The following ABTB3 variants were observed in gnomAD, a reference collection of about 807,000 sequenced individuals.
ABTB3 encodes ankyrin repeat- and BTB/POZ domain-containing protein 3.
At chr12:107,642,972 T>G in the ABTB3 span, among the ~76,000 whole-genome samples, 1 of 152,148 alleles carries the variant, frequency 6.6e-6, no homozygotes, top group Non-Finnish European at 1.5e-5. Flanking sequence ...CTAATAGAAA[T>G]TCACTCAACT....
the ABTB3 span, among the ~76,000 whole-genome samples, chr12:107,484,994 A>T: frequency 1.3e-5 from 2 of 152,170 alleles, no homozygotes; most frequent in Non-Finnish European, 2.9e-5. Flanking sequence ...GATGTCCAGT[A>T]GATGTCCACT....
chr12:107,453,093 G>A, the ABTB3 span, among the ~76,000 whole-genome samples: 1 of 152,288 alleles, frequency 6.6e-6, no homozygotes, highest in South Asian at 2.1e-4. Flanking sequence ...GGAATCGCAT[G>A]TGTAAGGACT....
the ABTB3 span, among the ~76,000 whole-genome samples, chr12:107,324,807 A>G: frequency 0.75 from 114,467 of 152,170 alleles, 43,726 homozygotes; most frequent in African/African-American, 0.88. Flanking sequence ...AGGGCAGACC[A>G]GAAGAGGCAG....
chr12:107,361,693 G>A, the ABTB3 span, among the ~76,000 whole-genome samples: 2 of 152,272 alleles, frequency 1.3e-5, no homozygotes, highest in African/African-American at 2.4e-5. Context: ...TATAGCTGAT[G>A]TAGACTGGGG....
At chr12:107,637,836 T>TGTGGG in the ABTB3 span, among the ~76,000 whole-genome samples, 1 of 139,478 alleles carries the variant, frequency 7.2e-6, no homozygotes, top group African/African-American at 2.9e-5. Context: ...GTGTGTGTGG[T>TGTGGG]ATGGTGTCCT....
At chr12:107,399,180 A>G in the ABTB3 span, among the ~76,000 whole-genome samples, 4 of 152,144 alleles carry the variant, frequency 2.6e-5, no homozygotes, top group African/African-American at 9.7e-5. Flanking sequence ...GCATTTGAAA[A>G]CTGCTTTTCT....
chr12:107,325,743 A>C, the ABTB3 span, among the ~76,000 whole-genome samples: 2 of 152,194 alleles, frequency 1.3e-5, no homozygotes, highest in East Asian at 3.8e-4. Context: ...AGAGGTAAAT[A>C]CAAAATAGTA....
the ABTB3 span, among the ~76,000 whole-genome samples, chr12:107,385,618 C>T: frequency 2.2e-4 from 34 of 152,284 alleles, no homozygotes; most frequent in Non-Finnish European, 8.8e-5. Context: ...CAGCAGTGCT[C>T]TGCCTGGCAG....
At chr12:107,319,927 CG>C in the ABTB3 span, 1 of 1,493,028 alleles carries the variant, frequency 6.7e-7, no homozygotes, top group Non-Finnish European at 9.0e-7. Flanking sequence ...CGGCAGCCGC[CG>C]CCAACCACCA....
At chr12:107,417,627 A>C in the ABTB3 span, among the ~76,000 whole-genome samples, 1 of 152,208 alleles carries the variant, frequency 6.6e-6, no homozygotes, top group African/African-American at 2.4e-5. Flanking sequence ...TGCCCGTACT[A>C]TGTATCCCGT....
chr12:107,364,825 T>C, the ABTB3 span, among the ~76,000 whole-genome samples: 2 of 152,198 alleles, frequency 1.3e-5, no homozygotes, highest in Non-Finnish European at 2.9e-5. Flanking sequence ...CTATTGTTGC[T>C]GAAGGCTGGC....
the ABTB3 span, among the ~76,000 whole-genome samples, chr12:107,627,552 C>T: frequency 6.6e-6 from 1 of 152,224 alleles, no homozygotes; most frequent in Non-Finnish European, 1.5e-5. Context: ...TGTCACTCTG[C>T]TCCGTTTCAG....
the ABTB3 span, among the ~76,000 whole-genome samples, chr12:107,549,871 GC>G: frequency 1.3e-5 from 2 of 152,252 alleles, no homozygotes; most frequent in Admixed American, 6.5e-5. Context: ...TTTTGAAGAG[GC>G]CTTGGAAGCT....
At chr12:107,459,184 G>A in the ABTB3 span, among the ~76,000 whole-genome samples, 5,320 of 152,274 alleles carry the variant, frequency 0.035, 166 homozygotes, top group East Asian at 0.17. Context: ...TTTTACAGAT[G>A]AGGAAACTGA....
At chr12:107,575,209 A>G in the ABTB3 span, among the ~76,000 whole-genome samples, 1 of 152,238 alleles carries the variant, frequency 6.6e-6, no homozygotes, top group Non-Finnish European at 1.5e-5. Context: ...AGGGAAGGCT[A>G]TAGCATCTGC....
the ABTB3 span, among the ~76,000 whole-genome samples, chr12:107,508,320 G>A: frequency 6.6e-6 from 1 of 151,772 alleles, no homozygotes; most frequent in East Asian, 1.9e-4. Context: ...GATTTTGATT[G>A]CAAGTATGTA....
At chr12:107,355,246 G>A in the ABTB3 span, among the ~76,000 whole-genome samples, 1 of 152,252 alleles carries the variant, frequency 6.6e-6, no homozygotes, top group Non-Finnish European at 1.5e-5. Flanking sequence ...TCTATGAGCT[G>A]GAGCCTTCCT....
At chr12:107,497,613 CA>C in the ABTB3 span, among the ~76,000 whole-genome samples, 1 of 152,162 alleles carries the variant, frequency 6.6e-6, no homozygotes, top group Admixed American at 6.5e-5. Flanking sequence ...ATATCACCTG[CA>C]CAGAACCTGA....
the ABTB3 span, among the ~76,000 whole-genome samples, chr12:107,470,008 C>CTT: frequency 1.0e-5 from 1 of 96,422 alleles, no homozygotes; most frequent in African/African-American, 4.8e-5. Flanking sequence ...TTCTTTCTTT[C>CTT]TTTCTCTCTC....
Sources: gnomAD v4.1 joint callset for allele counts (sites outside exome capture counted in the v4.1 genomes callset) on GRCh38, gnomAD v4.1.1 for gene constraint, MANE v1.5 for transcripts, NCBI Gene and HGNC (gene_info 2026-07-23, HGNC 2026-07-21) for gene names.